IFIT3: variants seen among roughly 807,000 people sequenced by gnomAD.
IFIT3 encodes the protein interferon induced protein with tetratricopeptide repeats 3.
A neutral mutation model predicts 2.4 loss-of-function variants in IFIT3; 2 were observed. The ratio of observed to expected loss-of-function variants is 0.82; its 90% CI spans 0.34 to 2.60. The LOEUF is 2.60. IFIT3 is among the 30% of genes most tolerant of loss of function. The pLI, the probability that IFIT3 is intolerant of heterozygous loss-of-function variation, is 0.11. For synonymous variants in IFIT3, 203 were observed against 212.1 expected (o/e 0.96, Z 0.37); for missense variants, 481 against 562.4 (o/e 0.86, Z 1.46).
At chr10:89,331,830 G>C (rs1843654690) in intron 1 of IFIT3, among the ~76,000 whole-genome samples, 1 of 140,328 alleles carries the variant, frequency 7.1e-6, no homozygotes, top group Non-Finnish European at 1.5e-5. Context: ...CTGCACTCCA[G>C]CCTGGATGAC....
In IFIT3 at chr10:89,330,024, A is replaced by G. The variant is rs1252347272; in HGVS notation, c.5+1946A>G. 2.0e-5 allele frequency among the ~76,000 whole-genome samples: 3 copies of G among 152,160 alleles called. No individual in the cohort carries two copies. The East Asian group carries it at 5.8e-4, about 29-fold the overall frequency. On this transcript the variant is annotated intron_variant, in intron 1 of 1. Transcript: ENST00000371818. The stretch of plus-strand genomic sequence containing the variant: ...GAGCCAGGATGAGCCAGGAGAAGGA[A>G]TTTCACAAGATAATGTCATCGGTTA...
intron 1 of IFIT3, among the ~76,000 whole-genome samples, chr10:89,331,724 T>G (rs531681771): frequency 3.8e-4 from 57 of 151,854 alleles, no homozygotes; most frequent in Non-Finnish European, 6.9e-4. Flanking sequence ...CCAGGCGTGG[T>G]GGCACGTGCC....
intron 1 of IFIT3, chr10:89,338,263 T>C (rs181890814): frequency 1.1e-4 from 20 of 174,806 alleles, no homozygotes; most frequent in African/African-American, 4.7e-4. Flanking sequence ...AAGTTGATGG[T>C]GTAGTCCCAG....
chr10:89,335,745 A>G (rs1382770907), intron 1 of IFIT3, among the ~76,000 whole-genome samples: 1 of 152,182 alleles, frequency 6.6e-6, no homozygotes, highest in Non-Finnish European at 1.5e-5. Flanking sequence ...GATACATTCT[A>G]TTGATCTGAG....
intron 1 of IFIT3, among the ~76,000 whole-genome samples, chr10:89,334,728 T>C (rs1282006204): frequency 2.0e-5 from 3 of 151,460 alleles, no homozygotes; most frequent in Non-Finnish European, 2.9e-5. Context: ...CTTGACCTCA[T>C]GATCCACCCG....
chr10:89,339,858 A>G lies in IFIT3; in HGVS notation c.1203A>G (p.Gln401=), dbSNP rs1843829117. The G allele has an allele frequency of 6.2e-7, 1 of 1,614,116 alleles. No individual in the cohort carries two copies. The highest frequency in any genetic ancestry group is 1.1e-5 in the South Asian group (1 of 91,094). ...KSTDKEEIKD[Q]PQNVSENLLP... ...CTGACAAGGAAGAGATCAAAGACCA[A>G]CCACAGAATGTATCTGAAAATCTGC... The change falls in exon 2 of 2, where the codon CAA becomes CAG. Residue 401 remains glutamine (Q), a synonymous_variant. Coordinates refer to ENST00000371818, the MANE Select transcript of IFIT3 (RefSeq NM_001549.6).
chr10:89,332,400 C>T, intron 1 of IFIT3: 1 of 1,088,190 alleles, frequency 9.2e-7, no homozygotes, highest in Non-Finnish European at 1.3e-6. Flanking sequence ...GGAACATGTT[C>T]CTGGCGTGAG....
At position 89,338,955 on chromosome 10, in the gene IFIT3, C is replaced by T. The variant is rs201111678; in HGVS notation, c.300C>T (p.Tyr100=). The part of the protein sequence containing the change: ...EIRSLVTWGN[Y]AWVYYHLGRL... Reference sequence around the variant, plus strand: ...GAAGTCTAGTCACTTGGGGAAACTACGCCTGGGTCTACTATCACTTGGGCA... The same window carrying T: ...GAAGTCTAGTCACTTGGGGAAACTATGCCTGGGTCTACTATCACTTGGGCA... The change falls in exon 2 of 2, where the codon TAC becomes TAT. Residue 100 remains tyrosine, a synonymous_variant. Transcript: ENST00000371818. 1.7e-5 allele frequency: 28 copies of T among 1,614,154 alleles called. No homozygotes were observed. Among genetic ancestry groups the T allele is most frequent in the African/African-American group, 1.5e-4 (11 of 75,042 alleles).
At position 89,340,030 on chromosome 10, in the gene IFIT3, T is replaced by C. The variant is rs1432377180; in HGVS notation, c.1375T>C (p.Ser459Pro). ...APSGIGSIFL[S>P]ASELEDGSEE... ...TTCAGGCATAGGCAGTATTTTCCTGTCAGCATCTGAGCTTGAGGATGGTAG... is the reference window on the plus strand; with the variant it reads ...TTCAGGCATAGGCAGTATTTTCCTGCCAGCATCTGAGCTTGAGGATGGTAG... Residue 459 changes from serine (S) to proline (P), a missense_variant, in exon 2 of 2, where the codon TCA (serine) becomes CCA (proline). By Grantham distance (74) the Ser-to-Pro change is moderately conservative (BLOSUM62 -1). Transcript: ENST00000371818. 1 of 1,614,208 alleles carries C rather than the reference T, an allele frequency of 6.2e-7. No homozygotes were observed. Among genetic ancestry groups the C allele is most frequent in the Non-Finnish European group, 8.5e-7 (1 of 1,180,024 alleles).
intron 1 of IFIT3, among the ~76,000 whole-genome samples, chr10:89,330,260 C>A (rs953746202): frequency 2.0e-5 from 3 of 152,154 alleles, no homozygotes; most frequent in African/African-American, 7.2e-5. Flanking sequence ...GCTATTATTT[C>A]TATTATTAGC....
At position 89,339,184 on chromosome 10, in the gene IFIT3, G is replaced by C. The variant is rs139732815; in HGVS notation, c.529G>C (p.Ala177Pro). The C allele has an allele frequency of 4.3e-6, 7 of 1,614,044 alleles. No individual in the cohort carries two copies. The African/African-American group carries it at 5.3e-5, about 12-fold the overall frequency. ...CAACCCAGAATTCTCCTCTGGACTG[G>C]CAATTGCGATGTACCATCTGGATAA... is the stretch of plus-strand genomic sequence containing the variant. ...PNNPEFSSGL[A>P]IAMYHLDNHP... Residue 177 changes from alanine (A) to proline (P), a missense_variant, in exon 2 of 2, where the codon GCA becomes CCA. Coordinates refer to ENST00000371818, the MANE Select transcript of IFIT3 (RefSeq NM_001549.6).
At chr10:89,337,543 G>A (rs1324478400) in intron 1 of IFIT3, among the ~76,000 whole-genome samples, 2 of 152,194 alleles carry the variant, frequency 1.3e-5, no homozygotes, top group East Asian at 1.9e-4. Flanking sequence ...AGGACTACAG[G>A]CATGTACTAC....
chr10:89,332,907 G>A (rs907238575), intron 1 of IFIT3, among the ~76,000 whole-genome samples: 1 of 152,132 alleles, frequency 6.6e-6, no homozygotes, highest in East Asian at 1.9e-4. Context: ...AGGTAAAATC[G>A]GGCCAGTGAA....
Position 89,332,996 on chromosome 10 carries a change from T to C in IFIT3, c.5+4918T>C, listed in dbSNP as rs74363383. Among the ~76,000 whole-genome samples, 40 of 152,282 alleles carry C rather than the reference T, an allele frequency of 2.6e-4. No homozygotes were observed. The East Asian group carries it at 7.3e-3, about 28-fold the overall frequency. On this transcript the variant is annotated intron_variant, in intron 1 of 1. Coordinates refer to ENST00000371818, the MANE Select transcript of IFIT3 (RefSeq NM_001549.6). ...ATATTTAGAAAGCCTAAGTCAGAGGTTTGTGGTTTTGTTGTGACTGTGGTT... is the reference window on the plus strand; with the variant it reads ...ATATTTAGAAAGCCTAAGTCAGAGGCTTGTGGTTTTGTTGTGACTGTGGTT...
At chr10:89,332,715 G>A in intron 1 of IFIT3, 1 of 1,291,174 alleles carries the variant, frequency 7.7e-7, no homozygotes. Flanking sequence ...GCTTAGAGAT[G>A]AAATATGCAT....
intron 1 of IFIT3, 47 bp downstream of exon 1, chr10:89,328,125 T>TTG: frequency 6.3e-7 from 1 of 1,596,532 alleles, no homozygotes; most frequent in Non-Finnish European, 8.6e-7. Context: ...TGAGTGCAAA[T>TTG]TGTAAGTTGA....
At position 89,328,005 on chromosome 10, in the gene IFIT3, G is replaced by A; in HGVS notation, c.-69G>A. 6.3e-7 allele frequency: 1 copy of A among 1,579,286 alleles called. No homozygotes were observed. The highest frequency in any genetic ancestry group is 1.3e-5 in the African/African-American group (1 of 74,306). On this transcript the variant is annotated 5_prime_UTR_variant, in exon 1 of 2. Coordinates refer to ENST00000371818, the MANE Select transcript of IFIT3 (RefSeq NM_001549.6). ...TTCAGTATTTACTTGAGGCAGACAG[G>A]AAGACTTCTGAAGAACAAATCAGCC...
At chr10:89,329,064 G>C (rs1295578115) in intron 1 of IFIT3, among the ~76,000 whole-genome samples, 1 of 152,138 alleles carries the variant, frequency 6.6e-6, no homozygotes, top group Non-Finnish European at 1.5e-5. Flanking sequence ...TCAGGGGATA[G>C]CATGTTAGGG....
intron 1 of IFIT3, chr10:89,335,543 C>CAAAAAA (rs555368433): frequency 8.5e-6 from 1 of 118,204 alleles, no homozygotes. Flanking sequence ...TTCTGCCCTC[C>CAAAAAA]AAAAAAAAAA....
Sources: allele counts gnomAD v4.1 joint callset (sites outside exome capture counted in the v4.1 genomes callset), GRCh38; gene constraint gnomAD v4.1.1; transcripts MANE v1.5; gene names NCBI Gene and HGNC (gene_info 2026-07-23, HGNC 2026-07-21).